Variants in DLGAP4 observed in about 807,000 individuals in gnomAD.
The protein encoded by DLGAP4 is DLG associated protein 4.
DLGAP4 carries 18 observed loss-of-function variants against 86.9 expected under a neutral mutation model. The ratio of observed to expected loss-of-function variants is 0.21; its 90% CI spans 0.14 to 0.31. DLGAP4 has a LOEUF of 0.31. Among genes scored for constraint, DLGAP4 ranks in the 10% least tolerant of loss-of-function variants. DLGAP4 has a pLI of 1.00. For synonymous variants in DLGAP4, 548 were observed against 574.3 expected (o/e 0.95, Z 0.65); for missense variants, 1,085 against 1,362.6 (o/e 0.80, Z 3.21).
chr20:36,436,237 G>T lies in DLGAP4; in HGVS notation c.1128G>T (p.Glu376Asp). Residue 376 changes from glutamate to aspartate, a missense_variant, in exon 4 of 13, where the codon GAG becomes GAT. Physicochemically the swap from Glu to Asp is conservative, Grantham distance 45. Transcript: ENST00000339266. Reference protein sequence around the residue: ...SGSYIKAMGDEDSDESGGSPK... With the variant: ...SGSYIKAMGDDDSDESGGSPK... ...GCTACATCAAGGCCATGGGCGACGA[G>T]GACAGCGACGAGTCCGGCGGCAGCC... 1.2e-6 allele frequency: 2 copies of T among 1,605,772 alleles called. No individual in the cohort carries two copies. Among genetic ancestry groups the T allele is most frequent in the Non-Finnish European group, 8.5e-7 (1 of 1,179,468 alleles).
intron 10 of DLGAP4, among the ~76,000 whole-genome samples, chr20:36,506,884 T>G (rs1449230554): frequency 6.6e-6 from 1 of 152,214 alleles, no homozygotes; most frequent in Non-Finnish European, 1.5e-5. Context: ...AGTTTGACTA[T>G]TCTAGCTACT....
intron 7 of DLGAP4, among the ~76,000 whole-genome samples, chr20:36,487,295 C>G (rs1221024191): frequency 3.3e-5 from 5 of 152,206 alleles, no homozygotes; most frequent in African/African-American, 1.2e-4. Context: ...GCCTAGTGCA[C>G]TGGGACTCTT....
intron 1 of DLGAP4, among the ~76,000 whole-genome samples, chr20:36,362,660 G>A (rs1234067538): frequency 1.3e-5 from 2 of 152,252 alleles, no homozygotes; most frequent in Non-Finnish European, 2.9e-5. Flanking sequence ...GCCAGGTACA[G>A]CGTGTGGCAA....
chr20:36,500,264 A>G lies in DLGAP4; in HGVS notation c.2165A>G (p.Asn722Ser), dbSNP rs749052303. 5.0e-6 allele frequency: 8 copies of G among 1,611,834 alleles called. No homozygotes were observed. In the East Asian group the frequency reaches 6.7e-5, roughly 14 times the overall value. The change falls in exon 10 of 13, where the codon AAT becomes AGT. Residue 722 changes from asparagine (N) to serine (S), a missense_variant. Asn to Ser is a conservative substitution (Grantham distance 46, BLOSUM62 1). Around this residue, in one of 2 missense-constraint regions of DLGAP4, gnomAD observed 1,082 missense variants for 1,344.1 expected, o/e 0.81. Coordinates refer to ENST00000339266, the MANE Select transcript of DLGAP4 (RefSeq NM_001365621.2). This position sits in a 1 kb window ranked among gnomAD's most constrained non-coding sequence, Gnocchi z 4.6. ...RDTDSDTQDANDSSCKSSERS... is the reference protein window; with the variant it reads ...RDTDSDTQDASDSSCKSSERS... ...ACAGACTCGGATACCCAGGATGCCA[A>G]TGACTCAAGCTGTAAGTCATCTGAG...
At chr20:36,494,292 A>T (rs375325800) in intron 7 of DLGAP4, among the ~76,000 whole-genome samples, 3 of 152,160 alleles carry the variant, frequency 2.0e-5, no homozygotes, top group Non-Finnish European at 4.4e-5. Flanking sequence ...ACATCGTGGC[A>T]TGTGTTACTT....
intron 2 of DLGAP4, among the ~76,000 whole-genome samples, chr20:36,401,325 C>T (rs775339909): frequency 6.6e-6 from 1 of 152,216 alleles, no homozygotes; most frequent in Admixed American, 6.5e-5. Context: ...CAAGCAGTCC[C>T]GGGCAGAATA....
chr20:36,472,541 C>T lies in DLGAP4; in HGVS notation c.1649-24164C>T, dbSNP rs114874032. Among the ~76,000 whole-genome samples, 731 of 151,952 alleles carry T rather than the reference C, an allele frequency of 4.8e-3. 7 individuals are homozygous for T. Among genetic ancestry groups the T allele is most frequent in the African/African-American group, 0.017 (699 of 41,438 alleles). On this transcript the variant is annotated intron_variant, in intron 7 of 12. Coordinates refer to ENST00000339266, the MANE Select transcript of DLGAP4 (RefSeq NM_001365621.2). ...AAAAAAATCACTAGCTTAGTTCCTC[C>T]CTCCTATTTTATCAATAGGAAAACT...
chr20:36,526,977 C>A lies in DLGAP4; in HGVS notation c.2925C>A (p.Thr975=). The A allele has an allele frequency of 6.2e-7, 1 of 1,613,564 alleles. No individual in the cohort carries two copies. The highest frequency in any genetic ancestry group is 8.5e-7 in the Non-Finnish European group (1 of 1,179,802). The change falls in exon 13 of 13, where the codon ACC becomes ACA. Residue 975 remains threonine, a synonymous_variant. Coordinates refer to ENST00000339266, the MANE Select transcript of DLGAP4 (RefSeq NM_001365621.2). ...RAASVRQNSA[T]ESADSIEIYV... ...CTTCTGTGCGGCAGAACTCAGCCAC[C>A]GAGAGCGCAGACAGCATCGAGATTT...
At chr20:36,525,307 C>CCTGTTA (rs1272097341) in intron 11 of DLGAP4, among the ~76,000 whole-genome samples, 1 of 145,558 alleles carries the variant, frequency 6.9e-6, no homozygotes, top group African/African-American at 2.5e-5. Context: ...CTCCCTCTTA[C>CCTGTTA]CTGTTAGGAG....
chr20:36,322,838 T>C (rs1392875424), intron 1 of DLGAP4, among the ~76,000 whole-genome samples: 1 of 152,168 alleles, frequency 6.6e-6, no homozygotes, highest in Non-Finnish European at 1.5e-5. Flanking sequence ...GCTTGATATA[T>C]GTGTATATCT....
At chr20:36,523,180 G>A (rs998101605) in intron 10 of DLGAP4, among the ~76,000 whole-genome samples, 1 of 152,104 alleles carries the variant, frequency 6.6e-6, no homozygotes, top group East Asian at 1.9e-4. Flanking sequence ...TGCCTCCCAG[G>A]TAGCTGGGAC....
chr20:36,369,640 G>A (rs2030844638), intron 2 of DLGAP4, among the ~76,000 whole-genome samples: 1 of 152,190 alleles, frequency 6.6e-6, no homozygotes, highest in Non-Finnish European at 1.5e-5. Context: ...TTGCCTTGGT[G>A]GAGAAAAGAA....
chr20:36,438,451 A>G (rs556698430), intron 4 of DLGAP4, among the ~76,000 whole-genome samples: 18 of 149,988 alleles, frequency 1.2e-4, no homozygotes, highest in African/African-American at 4.1e-4. Context: ...CAGCCCTCAC[A>G]CTGTCCAGGC....
chr20:36,497,141 G>A (rs2035923044), intron 8 of DLGAP4, 75 bp downstream of exon 8: 3 of 1,516,296 alleles, frequency 2.0e-6, no homozygotes, highest in African/African-American at 2.8e-5. Context: ...ATCTGGTAGA[G>A]GCCCACTAGG....
Position 36,463,553 on chromosome 20 carries a change from C to G in DLGAP4, c.1648+16616C>G, listed in dbSNP as rs1175570558. 2.0e-5 allele frequency among the ~76,000 whole-genome samples: 3 copies of G among 152,192 alleles called. No homozygotes were observed. In the East Asian group the frequency reaches 5.8e-4, roughly 29 times the overall value. ...CAATAGAGCAGGGAGACGGCTGTTT[C>G]TTAATTCAGGCCCCAATCCTGCTTG... On this transcript the variant is annotated intron_variant, in intron 7 of 12. Transcript: ENST00000339266.
intron 2 of DLGAP4, among the ~76,000 whole-genome samples, chr20:36,402,743 A>T (rs1173602377): frequency 6.6e-6 from 1 of 151,694 alleles, no homozygotes; most frequent in Non-Finnish European, 1.5e-5. Context: ...CCTGTCTCAT[A>T]AAAAAAAATT....
chr20:36,357,214 G>C (rs1346754035), intron 1 of DLGAP4, among the ~76,000 whole-genome samples: 1 of 152,084 alleles, frequency 6.6e-6, no homozygotes, highest in Non-Finnish European at 1.5e-5. Flanking sequence ...AGAGCACACA[G>C]ACCAGCACCT....
At chr20:36,496,649 G>A (rs1287175057) in intron 7 of DLGAP4, 56 bp from the exon 8 acceptor site, 12 of 1,553,238 alleles carry the variant, frequency 7.7e-6, no homozygotes, top group Non-Finnish European at 1.0e-5. Flanking sequence ...GGGCTTGAGA[G>A]GGTTGGGGGC....
At position 36,503,880 on chromosome 20, in the gene DLGAP4, G is replaced by A. The variant is rs1265789351; in HGVS notation, c.2512+3269G>A. Among the ~76,000 whole-genome samples, 7 of 152,184 alleles carry A rather than the reference G, an allele frequency of 4.6e-5. No homozygotes were observed. The East Asian group carries it at 1.2e-3, about 25-fold the overall frequency. ...GTAGCATATGCCAGTATTTCATTCC[G>A]TTTTGTTGCTGAATAATATTTCATT... On this transcript the variant is annotated intron_variant, in intron 10 of 12. Coordinates refer to ENST00000339266, the MANE Select transcript of DLGAP4 (RefSeq NM_001365621.2).
Sources: gnomAD v4.1 joint callset for allele counts (sites outside exome capture counted in the v4.1 genomes callset) on GRCh38, gnomAD v4.1.1 for gene constraint, gnomAD v4.1.1 regional missense constraint, Gnocchi (gnomAD v3.1) non-coding constraint, MANE v1.5 for transcripts, NCBI Gene and HGNC (gene_info 2026-07-23, HGNC 2026-07-21) for gene names.